The following NUAK1 variants were observed in gnomAD, a reference collection of about 807,000 sequenced individuals.
NUAK1 encodes the protein NUAK family kinase 1.
NUAK1 carries 26 observed loss-of-function variants against 56.9 expected under a neutral mutation model. The observed-to-expected ratio is 0.46, with a 90% CI of 0.33 to 0.63. The LOEUF (loss-of-function observed/expected upper bound fraction) is 0.63, where lower values mean the gene tolerates loss of function less well. NUAK1 is among the 30% of genes least tolerant of loss of function. The pLI is 0.02. For missense variants in NUAK1, 727 were observed against 876.1 expected (o/e 0.83, Z 2.15); for synonymous variants, 337 against 336.0 (o/e 1.00, Z -0.03).
chr12:106,118,599 A>G (rs952079696), intron 1 of NUAK1, among the ~76,000 whole-genome samples: 1 of 152,242 alleles, frequency 6.6e-6, no homozygotes, highest in Non-Finnish European at 1.5e-5. Context: ...TTTGATGGCA[A>G]TACTTTATAA....
intron 2 of NUAK1, among the ~76,000 whole-genome samples, chr12:106,102,631 G>GATTA (rs1481852673): frequency 1.3e-5 from 2 of 152,196 alleles, no homozygotes; most frequent in African/African-American, 4.8e-5. Flanking sequence ...TATTTGTGAT[G>GATTA]ATTACAGTGT....
chr12:106,120,216 C>T (rs1046457270), intron 1 of NUAK1, among the ~76,000 whole-genome samples: 3 of 152,130 alleles, frequency 2.0e-5, no homozygotes, highest in African/African-American at 7.2e-5. Flanking sequence ...CAGACCATGG[C>T]CTCCAACAGG....
intron 1 of NUAK1, among the ~76,000 whole-genome samples, chr12:106,135,019 A>G (rs542250935): frequency 6.6e-6 from 1 of 152,342 alleles, no homozygotes; most frequent in African/African-American, 2.4e-5. Flanking sequence ...GAGAAAAAAA[A>G]TCTGCTAAAA....
chr12:106,101,284 G>T (rs779614328), intron 2 of NUAK1, among the ~76,000 whole-genome samples: 9 of 152,298 alleles, frequency 5.9e-5, no homozygotes, highest in Non-Finnish European at 1.0e-4. Flanking sequence ...AAACAAAGGG[G>T]ACCAGGAGAC....
chr12:106,089,295 C>T (rs2032609504), intron 2 of NUAK1, among the ~76,000 whole-genome samples: 1 of 152,224 alleles, frequency 6.6e-6, no homozygotes, highest in Admixed American at 6.5e-5. Flanking sequence ...AGCCTCTGGC[C>T]CTTCAGCGAC....
chr12:106,123,061 T>C (rs936168790), intron 1 of NUAK1, among the ~76,000 whole-genome samples: 21 of 152,238 alleles, frequency 1.4e-4, no homozygotes, highest in Admixed American at 9.2e-4. Context: ...AGACTCACTA[T>C]GTGTTAGGCT....
intron 2 of NUAK1, among the ~76,000 whole-genome samples, chr12:106,091,254 AGGCCCGGT>A (rs1476027749): frequency 2.6e-5 from 4 of 152,240 alleles, no homozygotes; most frequent in Non-Finnish European, 5.9e-5. Flanking sequence ...TTTTACCCAG[AGGCCCGGT>A]GGCTCCAGAA....
In NUAK1 at chr12:106,128,528, C is replaced by A. The variant is rs771818360; in HGVS notation, c.240+9886G>T. Among the ~76,000 whole-genome samples, 26 of 152,274 alleles carry A rather than the reference C, an allele frequency of 1.7e-4. No homozygotes were observed. In the East Asian group the frequency reaches 5.0e-3, roughly 29 times the overall value. On this transcript the variant is annotated intron_variant, in intron 1 of 6. Transcript: ENST00000261402. ...CCTCTGGCAGTTGGGGTGAACCACT[C>A]GTGAGCTGAGCCCAGTTCATAGTGA...
At chr12:106,102,471 T>C (rs2032759486) in intron 2 of NUAK1, among the ~76,000 whole-genome samples, 1 of 152,150 alleles carries the variant, frequency 6.6e-6, no homozygotes, top group Non-Finnish European at 1.5e-5. Context: ...AATTTTAAAT[T>C]ATTTTGTTTT....
rs755859014 is a variant in NUAK1 at position 106,073,616 on chromosome 12, G to A, written c.580-773C>T. Among the ~76,000 whole-genome samples the A allele has an allele frequency of 1.5e-4, 23 of 152,150 alleles. No individual in the cohort carries two copies. In the South Asian group the frequency reaches 1.9e-3, roughly 12 times the overall value. ...GCGGATCACTTGAGGTCAAGAATTCGAGACCAGCCTGGCCAACATGGAAAA... is the reference window on the plus strand; with the variant it reads ...GCGGATCACTTGAGGTCAAGAATTCAAGACCAGCCTGGCCAACATGGAAAA... On this transcript the variant is annotated intron_variant, in intron 4 of 6. Transcript: ENST00000261402.
At chr12:106,089,471 A>G (rs760605737) in intron 2 of NUAK1, among the ~76,000 whole-genome samples, 2 of 152,234 alleles carry the variant, frequency 1.3e-5, no homozygotes, top group Non-Finnish European at 2.9e-5. Context: ...TCCATCAATC[A>G]GTCCTACTGA....
rs762437030 is a variant in NUAK1 at position 106,067,967 on chromosome 12, G to C, written c.833-12C>G. 1.6e-5 allele frequency: 26 copies of C among 1,585,640 alleles called. No homozygotes were observed. The East Asian group carries it at 5.8e-4, about 36-fold the overall frequency. On this transcript the variant is annotated splice_polypyrimidine_tract_variant and intron_variant, in intron 6 of 6. Coordinates refer to ENST00000261402, the MANE Select transcript of NUAK1 (RefSeq NM_014840.3). The surrounding 1 kb of genome is among the most constrained non-coding windows in gnomAD (Gnocchi z 6.0). ...GAGTCCTCGAGCATCTAAGGGACAA[G>C]GGACAAAAAGAATCGGGCATTATGT...
chr12:106,123,818 A>G (rs1463423539), intron 1 of NUAK1, among the ~76,000 whole-genome samples: 1 of 152,164 alleles, frequency 6.6e-6, no homozygotes, highest in Non-Finnish European at 1.5e-5. Context: ...CCTCCCCGTC[A>G]TTCTGCTGAT....
intron 3 of NUAK1, among the ~76,000 whole-genome samples, chr12:106,085,134 A>G (rs2032558375): frequency 6.6e-6 from 1 of 152,228 alleles, no homozygotes; most frequent in African/African-American, 2.4e-5. Context: ...CATTAATTTT[A>G]AACATCAGGA....
chr12:106,126,061 T>C (rs1343171526), intron 1 of NUAK1, among the ~76,000 whole-genome samples: 1 of 152,046 alleles, frequency 6.6e-6, no homozygotes, highest in Admixed American at 6.5e-5. Flanking sequence ...AAGCCAAGGC[T>C]GCCTAACGGA....
At chr12:106,091,922 A>T (rs1424994651) in intron 2 of NUAK1, among the ~76,000 whole-genome samples, 2 of 152,160 alleles carry the variant, frequency 1.3e-5, no homozygotes, top group African/African-American at 4.8e-5. Flanking sequence ...CAAGCCGGGG[A>T]TGGTGGCTCA....
chr12:106,070,891 G>T lies in NUAK1; in HGVS notation c.715C>A (p.Leu239Met), dbSNP rs777260764. ...ACAAGAGTGTAAAGCAACACACCCA[G>T]GGCCCAGCTGTCCACCTGGAGCAGA... ...YRGPEVDSWA[L>M]GVLLYTLVYG... The change falls in exon 6 of 7, where the codon CTG becomes ATG. Residue 239 changes from leucine (L) to methionine (M), a missense_variant. By Grantham distance (15) the Leu-to-Met change is conservative. Coordinates refer to ENST00000261402, the MANE Select transcript of NUAK1 (RefSeq NM_014840.3). 6.2e-7 allele frequency: 1 copy of T among 1,614,052 alleles called. No homozygotes were observed. Among genetic ancestry groups the T allele is most frequent in the African/African-American group, 1.3e-5 (1 of 74,910 alleles).
intron 1 of NUAK1, among the ~76,000 whole-genome samples, chr12:106,115,323 A>G (rs1171871403): frequency 6.6e-6 from 1 of 152,260 alleles, no homozygotes; most frequent in East Asian, 1.9e-4. Flanking sequence ...TTTATATTCT[A>G]ATCATGAATG....
At chr12:106,070,662 G>C in intron 6 of NUAK1, 112 bp downstream of exon 6, 1 of 1,382,368 alleles carries the variant, frequency 7.2e-7, no homozygotes, top group Non-Finnish European at 1.0e-6. Context: ...AGAAGAAAGA[G>C]GAAAACCAGG....
Sources: gnomAD v4.1 joint callset for allele counts (sites outside exome capture counted in the v4.1 genomes callset) on GRCh38, gnomAD v4.1.1 for gene constraint, Gnocchi (gnomAD v3.1) non-coding constraint, MANE v1.5 for transcripts, NCBI Gene and HGNC (gene_info 2026-07-23, HGNC 2026-07-21) for gene names.